The following HS6ST3 variants were observed in gnomAD, a reference collection of about 807,000 sequenced individuals.
The protein encoded by HS6ST3 is heparan-sulfate 6-O-sulfotransferase 3.
Under a neutral mutation model 36.7 loss-of-function variants are expected in HS6ST3, and 12 were observed. The observed-to-expected ratio is 0.33, with a 90% CI of 0.21 to 0.53. HS6ST3 has a LOEUF of 0.53. HS6ST3 is among the 20% of genes least tolerant of loss of function. HS6ST3 has a pLI of 0.95. For missense variants in HS6ST3, 584 were observed against 640.9 expected, an observed-to-expected ratio of 0.91 and a Z score of 0.96; for synonymous variants, 240 against 257.5, an observed-to-expected ratio of 0.93 and a Z score of 0.65.
chr13:96,316,183 C>A (rs762488262), intron 1 of HS6ST3, among the ~76,000 whole-genome samples: 12 of 151,930 alleles, frequency 7.9e-5, no homozygotes, highest in Non-Finnish European at 1.3e-4. Flanking sequence ...TATGTATACA[C>A]ATACACATAT....
chr13:96,211,839 C>T (rs966792801), intron 1 of HS6ST3, among the ~76,000 whole-genome samples: 1 of 152,140 alleles, frequency 6.6e-6, no homozygotes, highest in African/African-American at 2.4e-5. Context: ...CTCACTTACC[C>T]TCCTTTTGTC....
chr13:96,589,895 T>A (rs948845457), intron 1 of HS6ST3, among the ~76,000 whole-genome samples: 1 of 152,176 alleles, frequency 6.6e-6, no homozygotes, highest in Non-Finnish European at 1.5e-5. Context: ...AGATCAATTA[T>A]TTTAATTTTT....
At chr13:96,301,022 A>T (rs748452867) in intron 1 of HS6ST3, among the ~76,000 whole-genome samples, 10 of 152,192 alleles carry the variant, frequency 6.6e-5, no homozygotes, top group Non-Finnish European at 1.2e-4. Flanking sequence ...TTCAAATGAA[A>T]CAATGTCTGA....
chr13:96,135,668 C>T (rs1470040145), intron 1 of HS6ST3, among the ~76,000 whole-genome samples: 10 of 152,088 alleles, frequency 6.6e-5, no homozygotes, highest in Non-Finnish European at 5.9e-5. Context: ...TGCTTCAGAG[C>T]GGACCAAGAT....
intron 1 of HS6ST3, among the ~76,000 whole-genome samples, chr13:96,819,868 A>G (rs1878496427): frequency 6.6e-6 from 1 of 151,702 alleles, no homozygotes; most frequent in Non-Finnish European, 1.5e-5. Flanking sequence ...AGTCTGTCAC[A>G]TGGTGACAGA....
At chr13:96,806,854 T>A (rs536341277) in intron 1 of HS6ST3, among the ~76,000 whole-genome samples, 349 of 152,338 alleles carry the variant, frequency 2.3e-3, no homozygotes, top group African/African-American at 7.9e-3. Flanking sequence ...CCAAGCTTTT[T>A]ATAAGCTGAT....
chr13:96,516,926 G>A (rs1594798130), intron 1 of HS6ST3, among the ~76,000 whole-genome samples: 1 of 152,294 alleles, frequency 6.6e-6, no homozygotes. Flanking sequence ...CTACGGTGAG[G>A]TTCAGGTCTG....
At chr13:96,206,302 G>C (rs1416397842) in intron 1 of HS6ST3, among the ~76,000 whole-genome samples, 5 of 152,096 alleles carry the variant, frequency 3.3e-5, no homozygotes, top group Non-Finnish European at 5.9e-5. Flanking sequence ...ACTGCTCAAA[G>C]AAATCAGAGA....
chr13:96,690,747 A>G (rs1874934074), intron 1 of HS6ST3, among the ~76,000 whole-genome samples: 1 of 152,086 alleles, frequency 6.6e-6, no homozygotes, highest in Non-Finnish European at 1.5e-5. Context: ...TAGGGAAATA[A>G]AATTCATTAC....
Position 96,833,877 on chromosome 13 carries a change from G to C in HS6ST3, c.*679G>C, listed in dbSNP as rs1878864682. On this transcript the variant is annotated 3_prime_UTR_variant, in exon 2 of 2. Coordinates refer to ENST00000376705, the MANE Select transcript of HS6ST3 (RefSeq NM_153456.4). Reference sequence around the variant, plus strand: ...CCTTTCCTTCCATCTTTTAGGGAACGGGGAGTGGATCCAGGACAGGGGAGG... The same window carrying C: ...CCTTTCCTTCCATCTTTTAGGGAACCGGGAGTGGATCCAGGACAGGGGAGG... 6.6e-6 allele frequency: 1 copy of C among 152,178 alleles called. No homozygotes were observed. The highest frequency in any genetic ancestry group is 2.4e-5 in the African/African-American group (1 of 41,434). 9.4% of individuals were successfully genotyped at this position (152,178 alleles called of 1,614,324 possible). A position where few individuals can be genotyped will look rare whatever the true frequency, so the allele number is the denominator to read the frequency against.
At chr13:96,386,778 A>G (rs1270850655) in intron 1 of HS6ST3, among the ~76,000 whole-genome samples, 1 of 152,134 alleles carries the variant, frequency 6.6e-6, no homozygotes, top group Non-Finnish European at 1.5e-5. Context: ...AAGCAGGAGA[A>G]TGGCTTGAAC....
At chr13:96,094,606 A>G (rs964999073) in intron 1 of HS6ST3, among the ~76,000 whole-genome samples, 1 of 152,210 alleles carries the variant, frequency 6.6e-6, no homozygotes, top group Non-Finnish European at 1.5e-5. Context: ...CACAAAAACT[A>G]TCTGGAATGG....
At chr13:96,488,576 G>A (rs1158040844) in intron 1 of HS6ST3, among the ~76,000 whole-genome samples, 2 of 152,038 alleles carry the variant, frequency 1.3e-5, no homozygotes, top group Non-Finnish European at 2.9e-5. Context: ...CAAAAGCTGA[G>A]CTGCTTTTGT....
At chr13:96,608,396 T>C (rs2056446262) in intron 1 of HS6ST3, among the ~76,000 whole-genome samples, 1 of 152,202 alleles carries the variant, frequency 6.6e-6, no homozygotes, top group Admixed American at 6.5e-5. Context: ...ATAACACAGA[T>C]GACCGGATAT....
chr13:96,203,282 G>A (rs1336748633), intron 1 of HS6ST3, among the ~76,000 whole-genome samples: 1 of 152,180 alleles, frequency 6.6e-6, no homozygotes, highest in African/African-American at 2.4e-5. Flanking sequence ...TGTCTGGTGA[G>A]GATCCTCTTT....
At chr13:96,175,506 TA>T (rs1290755673) in intron 1 of HS6ST3, among the ~76,000 whole-genome samples, 1 of 152,080 alleles carries the variant, frequency 6.6e-6, no homozygotes, top group South Asian at 2.1e-4. Flanking sequence ...ATTGTTTTTT[TA>T]AAAAAAATAT....
intron 1 of HS6ST3, among the ~76,000 whole-genome samples, chr13:96,178,619 C>T (rs959852819): frequency 1.8e-4 from 28 of 151,938 alleles, no homozygotes; most frequent in African/African-American, 2.7e-4. Flanking sequence ...AGCCTGATTA[C>T]CATTCTGTGG....
intron 1 of HS6ST3, among the ~76,000 whole-genome samples, chr13:96,536,571 A>G (rs890430268): frequency 6.6e-6 from 1 of 152,148 alleles, no homozygotes; most frequent in African/African-American, 2.4e-5. Context: ...AGACAGTTGG[A>G]GATTGTGGCT....
At chr13:96,486,621 G>C (rs2055916364) in intron 1 of HS6ST3, among the ~76,000 whole-genome samples, 1 of 152,192 alleles carries the variant, frequency 6.6e-6, no homozygotes, top group South Asian at 2.1e-4. Flanking sequence ...GGCCAGTGAT[G>C]ATGAGCAGTT....
Sources: allele counts gnomAD v4.1 joint callset (sites outside exome capture counted in the v4.1 genomes callset), GRCh38; gene constraint gnomAD v4.1.1; transcripts MANE v1.5; gene names NCBI Gene and HGNC (gene_info 2026-07-23, HGNC 2026-07-21).